ERC2: variants seen among roughly 807,000 people sequenced by gnomAD.
ERC2 encodes ERC protein 2.
ERC2 carries 42 observed loss-of-function variants against 114.8 expected under a neutral mutation model. The ratio of observed to expected loss-of-function variants is 0.37; its 90% CI spans 0.29 to 0.47. The LOEUF (loss-of-function observed/expected upper bound fraction) is 0.47, where lower values mean the gene tolerates loss of function less well. ERC2 is among the 20% of genes least tolerant of loss of function. ERC2 has a pLI of 0.99. For synonymous variants in ERC2, 454 were observed against 425.5 expected, an observed-to-expected ratio of 1.07 and a Z score of -0.82; for missense variants, 939 against 1,150.7, an observed-to-expected ratio of 0.82 and a Z score of 2.66.
At chr3:56,259,346 T>C (rs925377769) in intron 3 of ERC2, among the ~76,000 whole-genome samples, 2 of 152,188 alleles carry the variant, frequency 1.3e-5, no homozygotes, top group African/African-American at 4.8e-5. Flanking sequence ...ATTTTAATTC[T>C]TGGAAGATGT....
At chr3:55,867,921 A>T (rs1448914370) in intron 14 of ERC2, among the ~76,000 whole-genome samples, 1 of 152,184 alleles carries the variant, frequency 6.6e-6, no homozygotes, top group Non-Finnish European at 1.5e-5. Context: ...TATTATTCTT[A>T]TCTTGGATAA....
Position 55,670,099 on chromosome 3 carries a change from T to C in ERC2, c.*39+13695A>G, listed in dbSNP as rs541901447. Among the ~76,000 whole-genome samples, 3 of 152,246 alleles carry C rather than the reference T, an allele frequency of 2.0e-5. No individual in the cohort carries two copies. The East Asian group carries it at 5.8e-4, about 29-fold the overall frequency. The stretch of plus-strand genomic sequence containing the variant: ...ACGTTTGATCTTCACAAGAACTCCA[T>C]GAGGGAGGAAAATGTAAGAAATCGC... On this transcript the variant is annotated intron_variant, in intron 17 of 17. Coordinates refer to ENST00000288221, the MANE Select transcript of ERC2 (RefSeq NM_015576.3).
intron 2 of ERC2, among the ~76,000 whole-genome samples, chr3:56,403,503 T>C (rs1028633390): frequency 5.9e-5 from 9 of 152,226 alleles, no homozygotes; most frequent in Non-Finnish European, 8.8e-5. Flanking sequence ...CAGTGTTCCA[T>C]TGGACAGAGC....
intron 14 of ERC2, among the ~76,000 whole-genome samples, chr3:55,824,353 C>G (rs1056702436): frequency 1.3e-5 from 2 of 152,174 alleles, no homozygotes; most frequent in Admixed American, 6.5e-5. Flanking sequence ...ATCATCCAGG[C>G]CCCCATAACA....
rs190436562 is a variant in ERC2, at chr3:56,321,673, T to A, written c.658-25238A>T. Among the ~76,000 whole-genome samples, 10 of 152,346 alleles carry A rather than the reference T, an allele frequency of 6.6e-5. No homozygotes were observed. In the East Asian group the frequency reaches 1.9e-3, roughly 29 times the overall value. ...AAGTTTGTTGGCTGCTTCTGATCAG[T>A]TGAGCCTACGTTCTGTTTTTCTTTA... On this transcript the variant is annotated intron_variant, in intron 2 of 17. Transcript: ENST00000288221.
chr3:55,768,124 G>A (rs1279578100), intron 14 of ERC2, among the ~76,000 whole-genome samples: 3 of 152,086 alleles, frequency 2.0e-5, no homozygotes, highest in African/African-American at 7.2e-5. Context: ...TAAGTTTCCT[G>A]AGGTCTCCCC....
chr3:56,214,596 C>T (rs1245546705), intron 3 of ERC2, among the ~76,000 whole-genome samples: 8 of 151,918 alleles, frequency 5.3e-5, no homozygotes, highest in African/African-American at 1.9e-4. Flanking sequence ...AGAACTTCCC[C>T]AATCTAGCAA....
intron 7 of ERC2, among the ~76,000 whole-genome samples, chr3:56,070,860 T>TGCC (rs1252697299): frequency 6.6e-6 from 1 of 152,206 alleles, no homozygotes; most frequent in African/African-American, 2.4e-5. Flanking sequence ...TGCACCGTGC[T>TGCC]GCCTCTTCCT....
chr3:55,803,498 A>C (rs2059381387), intron 14 of ERC2, among the ~76,000 whole-genome samples: 2 of 151,534 alleles, frequency 1.3e-5, no homozygotes, highest in Non-Finnish European at 2.9e-5. Context: ...GGGCATTTCA[A>C]CTGATGAATA....
chr3:55,520,091 A>G (rs945288580), intron 17 of ERC2, among the ~76,000 whole-genome samples: 2 of 151,718 alleles, frequency 1.3e-5, no homozygotes, highest in African/African-American at 4.8e-5. Context: ...AATTAGACAA[A>G]ACCTTGCACC....
intron 3 of ERC2, among the ~76,000 whole-genome samples, chr3:56,257,376 C>G (rs1245852012): frequency 2.6e-5 from 4 of 152,202 alleles, no homozygotes; most frequent in African/African-American, 9.7e-5. Context: ...TGGTTACAGT[C>G]TTCATCAGGG....
chr3:55,770,825 G>A (rs1368849657), intron 14 of ERC2, among the ~76,000 whole-genome samples: 3 of 149,928 alleles, frequency 2.0e-5, no homozygotes, highest in Non-Finnish European at 4.4e-5. Context: ...GCCCCATTGT[G>A]TGATGTTCCC....
intron 7 of ERC2, among the ~76,000 whole-genome samples, chr3:56,058,582 G>A (rs1252164653): frequency 6.6e-6 from 1 of 152,212 alleles, no homozygotes. Flanking sequence ...CATGAAGTCA[G>A]TGGACTTTAA....
At chr3:56,324,653 C>T (rs2057278287) in intron 2 of ERC2, among the ~76,000 whole-genome samples, 1 of 152,134 alleles carries the variant, frequency 6.6e-6, no homozygotes. Flanking sequence ...TGCCTTTGGT[C>T]ACAATGGAAA....
chr3:55,911,989 A>C (rs1483993252), intron 13 of ERC2, among the ~76,000 whole-genome samples: 2 of 152,232 alleles, frequency 1.3e-5, no homozygotes, highest in African/African-American at 2.4e-5. Flanking sequence ...TTAAAGGGGC[A>C]TGCAGACAGC....
chr3:55,771,375 A>T (rs2068187601), intron 14 of ERC2, among the ~76,000 whole-genome samples: 1 of 152,230 alleles, frequency 6.6e-6, no homozygotes, highest in African/African-American at 2.4e-5. Flanking sequence ...TGTGCTAGGT[A>T]CTAGGTACCT....
intron 3 of ERC2, among the ~76,000 whole-genome samples, chr3:56,218,185 C>G (rs1247468029): frequency 1.3e-5 from 2 of 151,810 alleles, no homozygotes; most frequent in Non-Finnish European, 2.9e-5. Flanking sequence ...AAGAAACTAC[C>G]ATCAGAGTGA....
At chr3:56,446,569 A>G (rs2062571620) in intron 1 of ERC2, among the ~76,000 whole-genome samples, 1 of 151,954 alleles carries the variant, frequency 6.6e-6, no homozygotes, top group African/African-American at 2.4e-5. Flanking sequence ...TTTGGAACTA[A>G]AACAAGGAAG....
At chr3:55,928,788 T>C (rs1048471064) in intron 13 of ERC2, among the ~76,000 whole-genome samples, 1 of 152,192 alleles carries the variant, frequency 6.6e-6, no homozygotes, top group Non-Finnish European at 1.5e-5. Flanking sequence ...TTTTTGTATA[T>C]GGCAGAGACT....
Sources: gnomAD v4.1 joint callset for allele counts (sites outside exome capture counted in the v4.1 genomes callset) on GRCh38, gnomAD v4.1.1 for gene constraint, MANE v1.5 for transcripts, NCBI Gene and HGNC (gene_info 2026-07-23, HGNC 2026-07-21) for gene names.